NSMCE1: variants seen among roughly 807,000 people sequenced by gnomAD.
The protein encoded by NSMCE1 is NSE1 component of SMC5/6 complex.
Under a neutral mutation model 29.6 loss-of-function variants are expected in NSMCE1, and 18 were observed. That is an observed-to-expected ratio of 0.61 (90% CI 0.42 to 0.90). The LOEUF (loss-of-function observed/expected upper bound fraction) is 0.90. Among genes scored for constraint, NSMCE1 ranks in the 40% least tolerant of loss-of-function variants. The probability of loss-of-function intolerance (pLI) is 0.00; values close to 1 mark genes in which losing one functional copy is unlikely to be tolerated. For synonymous variants in NSMCE1, 124 were observed against 133.4 expected, an observed-to-expected ratio of 0.93 and a Z score of 0.49; for missense variants, 314 against 343.6, an observed-to-expected ratio of 0.91 and a Z score of 0.68.
intron 6 of NSMCE1, 71 bp downstream of exon 6, chr16:27,226,649 G>A (rs553003195): frequency 3.1e-6 from 3 of 973,798 alleles, no homozygotes; most frequent in East Asian, 2.4e-5. Flanking sequence ...CAGGATTCCG[G>A]GAAGTACCTG....
intron 2 of NSMCE1, among the ~76,000 whole-genome samples, chr16:27,250,227 C>A (rs908585296): frequency 3.3e-5 from 5 of 152,136 alleles, no homozygotes; most frequent in African/African-American, 1.2e-4. Flanking sequence ...CTGTGTCGTC[C>A]TTTCTAATCC....
At chr16:27,265,161 C>CTTTTTTTTTTTTTTTTTTTTTTTTTTT (rs5816427) in intron 1 of NSMCE1, among the ~76,000 whole-genome samples, 1 of 82,672 alleles carries the variant, frequency 1.2e-5, no homozygotes, top group Non-Finnish European at 2.2e-5. Context: ...AATTCTTTTC[C>CTTTTTTTTTTTTTTTTTTTTTTTTTTT]TTTTTTTTTT....
At chr16:27,251,922 C>G (rs1222960111) in intron 2 of NSMCE1, among the ~76,000 whole-genome samples, 1 of 152,216 alleles carries the variant, frequency 6.6e-6, no homozygotes, top group African/African-American at 2.4e-5. Flanking sequence ...GCAACCTCTA[C>G]CTGCCTTAGT....
chr16:27,265,153 T>C (rs1437088034), intron 1 of NSMCE1, among the ~76,000 whole-genome samples: 1 of 144,486 alleles, frequency 6.9e-6, no homozygotes, highest in Non-Finnish European at 1.5e-5. Flanking sequence ...AGAGTATAAA[T>C]TCTTTTCCTT....
Position 27,225,724 on chromosome 16 carries a change from A to C in NSMCE1, c.721+2T>G. On this transcript the variant is annotated splice_donor_variant, in intron 7 of 7. Coordinates refer to ENST00000361439, the MANE Select transcript of NSMCE1 (RefSeq NM_145080.4). LOFTEE classifies it high-confidence loss of function. Reference sequence around the variant, plus strand: ...CCCATGAGCTCCTCAGGGCCCACGCACTTGGGATCTCGTGGGGCCAGTAGT... The same window carrying C: ...CCCATGAGCTCCTCAGGGCCCACGCCCTTGGGATCTCGTGGGGCCAGTAGT... 2 of 1,613,980 alleles carry C rather than the reference A, an allele frequency of 1.2e-6. No individual in the cohort carries two copies. Among genetic ancestry groups the C allele is most frequent in the African/African-American group, 1.3e-5 (1 of 75,010 alleles).
At chr16:27,235,389 C>A in intron 2 of NSMCE1, 90 bp from the exon 3 acceptor site, 2 of 1,461,080 alleles carry the variant, frequency 1.4e-6, no homozygotes, top group Non-Finnish European at 1.9e-6. Flanking sequence ...CCCATCTCAA[C>A]GCAGGGGACA....
chr16:27,238,973 G>A (rs2083859448), intron 2 of NSMCE1, among the ~76,000 whole-genome samples: 1 of 151,512 alleles, frequency 6.6e-6, no homozygotes, highest in African/African-American at 2.4e-5. Context: ...AGGTTCAAGC[G>A]ATCCTCCTGC....
At chr16:27,242,082 G>A (rs1456662953) in intron 2 of NSMCE1, among the ~76,000 whole-genome samples, 1 of 152,188 alleles carries the variant, frequency 6.6e-6, no homozygotes, top group Non-Finnish European at 1.5e-5. Context: ...TCAGTCCTGC[G>A]TTCATCATCG....
intron 2 of NSMCE1, among the ~76,000 whole-genome samples, chr16:27,253,406 G>T (rs1459447635): frequency 6.6e-6 from 1 of 152,190 alleles, no homozygotes; most frequent in South Asian, 2.1e-4. Context: ...TGTTAGAAAA[G>T]ATACCACATC....
chr16:27,227,395 CTG>C (rs1347670376), intron 5 of NSMCE1, among the ~76,000 whole-genome samples: 1 of 152,274 alleles, frequency 6.6e-6, no homozygotes, highest in Non-Finnish European at 1.5e-5. Flanking sequence ...CCCCATCACA[CTG>C]TGGGCAGTGG....
At chr16:27,259,477 G>A (rs745697647) in intron 1 of NSMCE1, among the ~76,000 whole-genome samples, 42 of 152,166 alleles carry the variant, frequency 2.8e-4, no homozygotes, top group Admixed American at 3.9e-4. Context: ...TCCTGCAAAT[G>A]AAGGATCTCT....
rs1426032480 is a variant in NSMCE1 at position 27,245,325 on chromosome 16, G to A, written c.137-10026C>T. 4.6e-5 allele frequency among the ~76,000 whole-genome samples: 7 copies of A among 152,224 alleles called. No individual in the cohort carries two copies. In the South Asian group the frequency reaches 1.2e-3, roughly 27 times the overall value. On this transcript the variant is annotated intron_variant, in intron 2 of 7. Coordinates refer to ENST00000361439, the MANE Select transcript of NSMCE1 (RefSeq NM_145080.4). ...ATGGCTTCCCTGTTCCAGCCAGCGG[G>A]GTCTGTGGTAATCCCACTGAATCCA...
At position 27,232,522 on chromosome 16, in the gene NSMCE1, G is replaced by A. The variant is rs2083772869; in HGVS notation, c.483+479C>T. Among the ~76,000 whole-genome samples the A allele has an allele frequency of 6.6e-6, 1 of 152,168 alleles. No individual in the cohort carries two copies. The highest frequency in any genetic ancestry group is 1.5e-5 in the Non-Finnish European group (1 of 68,038). On this transcript the variant is annotated intron_variant, in intron 5 of 7. Transcript: ENST00000361439. This position sits in a 1 kb window ranked among gnomAD's most constrained non-coding sequence, Gnocchi z 4.5. ...CCAATTCCTCTGCCGCCTCCCCCGC[G>A]AGCCAGCCAGCCTAGCACCGAGCAC...
intron 5 of NSMCE1, among the ~76,000 whole-genome samples, chr16:27,231,653 A>AT (rs35696485): frequency 6.6e-6 from 1 of 151,490 alleles, no homozygotes; most frequent in Non-Finnish European, 1.5e-5. Context: ...AAAAAAAAAA[A>AT]TTGGCCTGAA....
At chr16:27,251,191 A>ATATATATATATATAT (rs1555477411) in intron 2 of NSMCE1, among the ~76,000 whole-genome samples, 7 of 32,350 alleles carry the variant, frequency 2.2e-4, no homozygotes, top group Admixed American at 5.9e-4. Flanking sequence ...TATATATATA[A>ATATATATATATATAT]ATATATATAT....
intron 1 of NSMCE1, among the ~76,000 whole-genome samples, chr16:27,263,954 G>A (rs1362950170): frequency 6.6e-6 from 1 of 152,204 alleles, no homozygotes; most frequent in Non-Finnish European, 1.5e-5. Context: ...GTGTATGTGT[G>A]TGTGTGATTT....
At chr16:27,225,922 G>A (rs2083685967) in intron 6 of NSMCE1, 76 bp from the exon 7 acceptor site, 1 of 1,570,138 alleles carries the variant, frequency 6.4e-7, no homozygotes, top group South Asian at 1.1e-5. Flanking sequence ...GAAGCCACAA[G>A]GGAAATGGGC....
chr16:27,234,153 C>G, intron 4 of NSMCE1, 35 bp downstream of exon 4: 1 of 1,393,542 alleles, frequency 7.2e-7, no homozygotes, highest in Non-Finnish European at 1.0e-6. Context: ...CCATAAGAAG[C>G]CCACCCAATG....
intron 1 of NSMCE1, among the ~76,000 whole-genome samples, chr16:27,260,054 T>G (rs866518235): frequency 1.3e-5 from 2 of 152,268 alleles, no homozygotes; most frequent in South Asian, 2.1e-4. Flanking sequence ...GGATACAAGT[T>G]GGAAGGTCTA....
Sources: allele counts gnomAD v4.1 joint callset (sites outside exome capture counted in the v4.1 genomes callset), GRCh38; gene constraint gnomAD v4.1.1; non-coding constraint Gnocchi (gnomAD v3.1); transcripts MANE v1.5; gene names NCBI Gene and HGNC (gene_info 2026-07-23, HGNC 2026-07-21).